Variants in PDE7B observed in about 807,000 individuals in gnomAD.
PDE7B encodes the protein 3',5'-cyclic-AMP phosphodiesterase 7B.
A neutral mutation model predicts 56.2 loss-of-function variants in PDE7B; 29 were observed. The ratio of observed to expected loss-of-function variants is 0.52; its 90% CI spans 0.38 to 0.70. PDE7B has a LOEUF of 0.70. PDE7B is among the 30% of genes least tolerant of loss of function. The pLI is 0.00. For missense variants in PDE7B, 490 were observed against 565.0 expected, an observed-to-expected ratio of 0.87 and a Z score of 1.35; for synonymous variants, 197 against 196.9, an observed-to-expected ratio of 1.00 and a Z score of 0.00.
intron 2 of PDE7B, among the ~76,000 whole-genome samples, chr6:135,999,990 T>C (rs1174786405): frequency 6.6e-6 from 1 of 152,260 alleles, no homozygotes; most frequent in African/African-American, 2.4e-5. Context: ...ATTGTGGCTT[T>C]GATTTGCATT....
intron 2 of PDE7B, among the ~76,000 whole-genome samples, chr6:136,075,756 A>G (rs1777118036): frequency 6.6e-6 from 1 of 152,182 alleles, no homozygotes; most frequent in Non-Finnish European, 1.5e-5. Flanking sequence ...CACTGCTAAG[A>G]AGAACGACCT....
intron 1 of PDE7B, among the ~76,000 whole-genome samples, chr6:135,875,718 T>G (rs1775478791): frequency 6.6e-6 from 1 of 152,226 alleles, no homozygotes; most frequent in Non-Finnish European, 1.5e-5. Context: ...TTTCAGTGTT[T>G]AGACTAAAAC....
intron 1 of PDE7B, among the ~76,000 whole-genome samples, chr6:135,938,207 C>G (rs892825508): frequency 2.4e-4 from 37 of 152,324 alleles, no homozygotes; most frequent in African/African-American, 8.4e-4. Flanking sequence ...TTTTCTCCAA[C>G]ACAAAGTGTC....
chr6:136,134,687 G>A (rs917140517), intron 3 of PDE7B, among the ~76,000 whole-genome samples: 3 of 147,462 alleles, frequency 2.0e-5, no homozygotes, highest in African/African-American at 5.0e-5. Flanking sequence ...CCTGAACCCC[G>A]GATGTCAGAG....
At chr6:135,858,125 G>A (rs1421236996) in intron 1 of PDE7B, among the ~76,000 whole-genome samples, 1 of 151,968 alleles carries the variant, frequency 6.6e-6, no homozygotes, top group Non-Finnish European at 1.5e-5. Context: ...TTTATTTTAT[G>A]TTTTTCATTT....
intron 11 of PDE7B, among the ~76,000 whole-genome samples, chr6:136,182,572 A>G (rs192645813): frequency 1.3e-5 from 2 of 152,180 alleles, no homozygotes; most frequent in Non-Finnish European, 2.9e-5. Context: ...TTTTGACTCA[A>G]TCATGCCCAG....
At chr6:136,003,878 AG>A (rs1775721524) in intron 2 of PDE7B, among the ~76,000 whole-genome samples, 1 of 152,234 alleles carries the variant, frequency 6.6e-6, no homozygotes, top group Admixed American at 6.5e-5. Flanking sequence ...CTGATACCAA[AG>A]CAGGGCAGAG....
chr6:135,940,400 A>C (rs1774488330), intron 1 of PDE7B, among the ~76,000 whole-genome samples: 1 of 152,222 alleles, frequency 6.6e-6, no homozygotes, highest in African/African-American at 2.4e-5. Flanking sequence ...ACCTGGCCTG[A>C]ATCTCATTTC....
At chr6:136,019,318 A>G (rs1288314005) in intron 2 of PDE7B, among the ~76,000 whole-genome samples, 2 of 152,158 alleles carry the variant, frequency 1.3e-5, no homozygotes, top group African/African-American at 4.8e-5. Flanking sequence ...CATTGAATAT[A>G]TGTAATTTTA....
chr6:135,903,904 T>C (rs1238944796), intron 1 of PDE7B, among the ~76,000 whole-genome samples: 2 of 152,200 alleles, frequency 1.3e-5, no homozygotes, highest in Non-Finnish European at 2.9e-5. Flanking sequence ...GTGAAATATA[T>C]GAGAAATCTG....
chr6:135,905,212 G>A (rs1776075917), intron 1 of PDE7B, among the ~76,000 whole-genome samples: 1 of 152,080 alleles, frequency 6.6e-6, no homozygotes, highest in South Asian at 2.1e-4. Context: ...ATATTTGAGA[G>A]TTTTTTCCAA....
intron 2 of PDE7B, among the ~76,000 whole-genome samples, chr6:136,058,145 T>A (rs575171213): frequency 2.0e-5 from 3 of 152,212 alleles, no homozygotes; most frequent in Non-Finnish European, 2.9e-5. Context: ...AAGTGGCAGA[T>A]CTTTCCAAAG....
At chr6:135,854,143 C>T (rs1002725253) in intron 1 of PDE7B, among the ~76,000 whole-genome samples, 7 of 152,176 alleles carry the variant, frequency 4.6e-5, no homozygotes, top group African/African-American at 7.2e-5. Flanking sequence ...GAAAATGCCT[C>T]AGCCTAGTAA....
intron 1 of PDE7B, among the ~76,000 whole-genome samples, chr6:135,854,325 A>C (rs2128183148): frequency 6.6e-6 from 1 of 152,350 alleles, no homozygotes; most frequent in East Asian, 1.9e-4. Context: ...TTTAAGGATC[A>C]GAACAGACTT....
At chr6:135,986,625 G>T (rs1165025730) in intron 2 of PDE7B, among the ~76,000 whole-genome samples, 1 of 152,172 alleles carries the variant, frequency 6.6e-6, no homozygotes, top group Non-Finnish European at 1.5e-5. Flanking sequence ...AGCTCTGTCT[G>T]CCAAGTCTGA....
rs370691326 is a variant in PDE7B at position 136,038,151 on chromosome 6, G to A, written c.83-70580G>A. On this transcript the variant is annotated intron_variant, in intron 2 of 12. Transcript: ENST00000308191. Reference sequence around the variant, plus strand: ...GCTGGAGAGGATCTTACGGGGGTTCGCTTTTCCCTGCCTGGGAAGAATTTC... The same window carrying A: ...GCTGGAGAGGATCTTACGGGGGTTCACTTTTCCCTGCCTGGGAAGAATTTC... 1,468 of 1,298,894 alleles carry A rather than the reference G, an allele frequency of 1.1e-3. 2 individuals are homozygous for A. The highest frequency in any genetic ancestry group is 1.3e-3 in the Non-Finnish European group (1,319 of 993,212). The allele number at this position is 1,298,894 out of a possible 1,614,324, so 80.5% of individuals were successfully genotyped here. A position where few individuals can be genotyped will look rare whatever the true frequency, so the allele number is the denominator to read the frequency against.
At chr6:135,984,077 A>G (rs1020220324) in intron 2 of PDE7B, among the ~76,000 whole-genome samples, 1 of 152,218 alleles carries the variant, frequency 6.6e-6, no homozygotes, top group African/African-American at 2.4e-5. Flanking sequence ...GTATCTGGCA[A>G]TTCTTTCATC....
At chr6:135,948,880 TAGATAGATAGATAGATAGACAGAC>T (rs1237967372) in intron 2 of PDE7B, among the ~76,000 whole-genome samples, 2,014 of 146,244 alleles carry the variant, frequency 0.014, 45 homozygotes, top group African/African-American at 0.05. Context: ...GATAGATAGA[TAGATAGATAGATAGATAGACAGAC>T]AGACAGACAG....
At chr6:136,035,023 T>A (rs1776303796) in intron 2 of PDE7B, 1 of 152,220 alleles carries the variant, frequency 6.6e-6, no homozygotes, top group Non-Finnish European at 1.5e-5. Flanking sequence ...TGATTCACAA[T>A]GCCTGAAAAA....
Sources: allele counts gnomAD v4.1 joint callset (sites outside exome capture counted in the v4.1 genomes callset), GRCh38; gene constraint gnomAD v4.1.1; transcripts MANE v1.5; gene names NCBI Gene and HGNC (gene_info 2026-07-23, HGNC 2026-07-21).